SLC2A13: variants seen among roughly 807,000 people sequenced by gnomAD.
SLC2A13 encodes the protein solute carrier family 2 member 13.
Under a neutral mutation model 64.4 loss-of-function variants are expected in SLC2A13, and 32 were observed. The observed-to-expected ratio is 0.50, with a 90% confidence interval of 0.37 to 0.67. The LOEUF (loss-of-function observed/expected upper bound fraction) is 0.67, where lower values mean the gene tolerates loss of function less well. Ranked by LOEUF, SLC2A13 falls within the 30% of genes least tolerant of loss-of-function variation. The pLI, the probability that SLC2A13 is intolerant of heterozygous loss-of-function variation, is 0.00. For synonymous variants in SLC2A13, 338 were observed against 327.1 expected (o/e 1.03, Z -0.36); for missense variants, 743 against 829.2 (o/e 0.90, Z 1.28).
chr12:39,831,817 A>G (rs1234456546), intron 6 of SLC2A13, among the ~76,000 whole-genome samples: 1 of 152,030 alleles, frequency 6.6e-6, no homozygotes, highest in Admixed American at 6.6e-5. Flanking sequence ...GTTCCCCCTT[A>G]GCCTTCTACC....
intron 7 of SLC2A13, among the ~76,000 whole-genome samples, chr12:39,795,325 TTTAAAC>T (rs1377451384): frequency 1.3e-5 from 2 of 152,168 alleles, no homozygotes; most frequent in African/African-American, 4.8e-5. Context: ...TCTACACAGT[TTTAAAC>T]TTAATTTATC....
At chr12:39,892,558 G>C (rs1164999789) in intron 4 of SLC2A13, among the ~76,000 whole-genome samples, 3 of 152,018 alleles carry the variant, frequency 2.0e-5, no homozygotes, top group Non-Finnish European at 4.4e-5. Context: ...TAATTTCACT[G>C]CTTTCTTGGT....
chr12:39,896,538 ATGTATG>A (rs1944911874), intron 4 of SLC2A13, among the ~76,000 whole-genome samples: 3 of 145,482 alleles, frequency 2.1e-5, no homozygotes, highest in Non-Finnish European at 4.5e-5. Flanking sequence ...ACATGTATGT[ATGTATG>A]TGTGTATACA....
chr12:40,011,401 C>T (rs1947529067), intron 3 of SLC2A13, among the ~76,000 whole-genome samples: 1 of 152,190 alleles, frequency 6.6e-6, no homozygotes, highest in Non-Finnish European at 1.5e-5. Flanking sequence ...CTTTCAGTTT[C>T]TAATAAACTT....
intron 1 of SLC2A13, among the ~76,000 whole-genome samples, chr12:40,102,114 G>A (rs971843776): frequency 1.3e-5 from 2 of 152,080 alleles, no homozygotes; most frequent in African/African-American, 2.4e-5. Context: ...AGAATCAACT[G>A]ACCACTTACT....
chr12:40,048,029 A>G, intron 2 of SLC2A13, 22 bp downstream of exon 2: 1 of 1,559,968 alleles, frequency 6.4e-7, no homozygotes, highest in Non-Finnish European at 8.6e-7. Flanking sequence ...TGAAAAATTA[A>G]ATGTAAAAAG....
chr12:39,822,306 A>T (rs532444859), intron 7 of SLC2A13, among the ~76,000 whole-genome samples: 16 of 152,254 alleles, frequency 1.1e-4, no homozygotes, highest in African/African-American at 3.4e-4. Context: ...ACTATGTGAC[A>T]CAATATCCTA....
At chr12:39,958,990 T>C (rs1274841138) in intron 3 of SLC2A13, among the ~76,000 whole-genome samples, 1 of 152,004 alleles carries the variant, frequency 6.6e-6, no homozygotes, top group African/African-American at 2.4e-5. Flanking sequence ...TTCAGGATCA[T>C]GTAAATAGAG....
At chr12:39,997,531 C>T (rs988257536) in intron 3 of SLC2A13, among the ~76,000 whole-genome samples, 1 of 152,088 alleles carries the variant, frequency 6.6e-6, no homozygotes, top group Admixed American at 6.6e-5. Flanking sequence ...CTTACTCCTG[C>T]AAGAATTGCC....
intron 3 of SLC2A13, among the ~76,000 whole-genome samples, chr12:40,010,060 A>G (rs1420594410): frequency 6.6e-6 from 1 of 152,264 alleles, no homozygotes; most frequent in Admixed American, 6.5e-5. Context: ...TAATCTATAC[A>G]GGCACATGGC....
chr12:40,097,185 T>TA (rs1376741148), intron 1 of SLC2A13, among the ~76,000 whole-genome samples: 2 of 152,154 alleles, frequency 1.3e-5, no homozygotes, highest in African/African-American at 2.4e-5. Flanking sequence ...GTTAAGCTGC[T>TA]AAAAAGCATT....
At chr12:40,050,750 C>T (rs1298907108) in intron 1 of SLC2A13, among the ~76,000 whole-genome samples, 5 of 152,106 alleles carry the variant, frequency 3.3e-5, no homozygotes, top group South Asian at 2.1e-4. Context: ...ACTATATTGA[C>T]GGATCATCAT....
intron 4 of SLC2A13, among the ~76,000 whole-genome samples, chr12:39,924,541 C>A (rs567032235): frequency 4.6e-5 from 7 of 151,634 alleles, no homozygotes; most frequent in African/African-American, 1.7e-4. Flanking sequence ...AAATAGACTT[C>A]ACCTTTTTCT....
At chr12:39,809,309 G>A (rs1942074667) in intron 7 of SLC2A13, among the ~76,000 whole-genome samples, 1 of 152,086 alleles carries the variant, frequency 6.6e-6, no homozygotes, top group African/African-American at 2.4e-5. Context: ...CTGGATTACT[G>A]TAACTTTATA....
intron 4 of SLC2A13, among the ~76,000 whole-genome samples, chr12:39,923,689 C>T (rs1013032231): frequency 5.8e-4 from 41 of 70,642 alleles, no homozygotes; most frequent in African/African-American, 1.3e-3. Flanking sequence ...TATATATATG[C>T]GCACGCGCAC....
intron 1 of SLC2A13, among the ~76,000 whole-genome samples, chr12:40,068,767 A>C (rs1216298521): frequency 6.6e-6 from 1 of 152,058 alleles, no homozygotes; most frequent in Non-Finnish European, 1.5e-5. Flanking sequence ...TACTCTACAA[A>C]AAAAAAAAAT....
At chr12:39,804,999 C>A (rs1941922801) in intron 7 of SLC2A13, among the ~76,000 whole-genome samples, 1 of 152,278 alleles carries the variant, frequency 6.6e-6, no homozygotes, top group Non-Finnish European at 1.5e-5. Flanking sequence ...AGGGAGAAGA[C>A]TGCTGGGGAG....
intron 1 of SLC2A13, among the ~76,000 whole-genome samples, chr12:40,098,102 TTTTTATATG>T (rs1413232974): frequency 6.6e-6 from 1 of 151,800 alleles, no homozygotes; most frequent in Non-Finnish European, 1.5e-5. Flanking sequence ...TGTGTATTTA[TTTTTATATG>T]TGTGTGTATA....
chr12:40,089,838 G>C (rs1938702794), intron 1 of SLC2A13, among the ~76,000 whole-genome samples: 1 of 151,734 alleles, frequency 6.6e-6, no homozygotes, highest in Non-Finnish European at 1.5e-5. Context: ...TTTAATATTA[G>C]CTCTGTTATC....
Sources: allele counts gnomAD v4.1 joint callset (sites outside exome capture counted in the v4.1 genomes callset), GRCh38; gene constraint gnomAD v4.1.1; transcripts MANE v1.5; gene names NCBI Gene and HGNC (gene_info 2026-07-23, HGNC 2026-07-21).